The following NBEAL2 variants were observed in gnomAD, a reference collection of about 807,000 sequenced individuals.
NBEAL2 encodes neurobeachin-like protein 2.
A neutral mutation model predicts 299.8 loss-of-function variants in NBEAL2; 160 were observed. The ratio of observed to expected loss-of-function variants is 0.53; its 90% CI spans 0.47 to 0.61. The LOEUF (loss-of-function observed/expected upper bound fraction) is 0.61. NBEAL2 is among the 20% of genes least tolerant of loss of function. The pLI is 0.00. For missense variants in NBEAL2, 3,112 were observed against 3,649.0 expected, an observed-to-expected ratio of 0.85 and a Z score of 3.79; for synonymous variants, 1,493 against 1,542.3, an observed-to-expected ratio of 0.97 and a Z score of 0.75.
intron 11 of NBEAL2, 36 bp downstream of exon 11, chr3:46,994,056 G>A (rs534513735): frequency 1.1e-4 from 165 of 1,567,814 alleles, no homozygotes; most frequent in East Asian, 1.4e-4. Flanking sequence ...GTAGGGGTGC[G>A]GGGTGGAGTT....
Position 47,001,913 on chromosome 3 carries a change from C to G in NBEAL2, c.4783-7C>G. 6.2e-7 allele frequency: 1 copy of G among 1,604,762 alleles called. No homozygotes were observed. Among genetic ancestry groups the G allele is most frequent in the Non-Finnish European group, 8.5e-7 (1 of 1,173,614 alleles). ...CTGGGTGCCACTCATCTCTCTTGCG[C>G]CCACAGCTGCATGCCCAGGCCTACG... On this transcript the variant is annotated splice_region_variant and splice_polypyrimidine_tract_variant and intron_variant, in intron 30 of 53. Transcript: ENST00000450053. This position sits in a 1 kb window ranked among gnomAD's most constrained non-coding sequence, Gnocchi z 6.1.
At chr3:46,984,475 T>C (rs1278681631) in intron 1 of NBEAL2, among the ~76,000 whole-genome samples, 2 of 152,204 alleles carry the variant, frequency 1.3e-5, no homozygotes, top group Non-Finnish European at 2.9e-5. Flanking sequence ...CAGTTGTCCC[T>C]GCCCCAGCAA....
intron 25 of NBEAL2, 37 bp from the exon 26 acceptor site, chr3:46,999,593 G>T: frequency 6.6e-7 from 1 of 1,506,050 alleles, no homozygotes; most frequent in Middle Eastern, 2.0e-4. Context: ...TTTCTAGTCT[G>T]GTCAGTCCCT....
chr3:46,984,611 G>A (rs73075635), intron 1 of NBEAL2, among the ~76,000 whole-genome samples: 1,759 of 152,328 alleles, frequency 0.012, 18 homozygotes, highest in Middle Eastern at 0.031. Context: ...TGAATGGGGG[G>A]ACCCCCTAGG....
chr3:47,002,413 A>C lies in NBEAL2; in HGVS notation c.5194A>C (p.Lys1732Gln). Reference protein sequence around the residue: ...MSQFEMDTYAKSHDLMSGFWN... With the variant: ...MSQFEMDTYAQSHDLMSGFWN... ...CCAGTTCGAAATGGACACGTATGCT[A>C]AGAGCCACGACCTTATGTCAGGTTT... Residue 1732 changes from lysine (K) to glutamine (Q), a missense_variant, in exon 32 of 54, where the codon AAG becomes CAG. This residue lies in a region of NBEAL2 where 2,243 missense variants were observed against 2,538.1 expected (regional missense o/e 0.88). Coordinates refer to ENST00000450053, the MANE Select transcript of NBEAL2 (RefSeq NM_015175.3). 6.2e-7 allele frequency: 1 copy of C among 1,613,652 alleles called. No homozygotes were observed. Among genetic ancestry groups the C allele is most frequent in the Non-Finnish European group, 8.5e-7 (1 of 1,179,904 alleles).
chr3:47,004,686 T>G lies in NBEAL2; in HGVS notation c.6294+96T>G. On this transcript the variant is annotated intron_variant, in intron 38 of 53. Coordinates refer to ENST00000450053, the MANE Select transcript of NBEAL2 (RefSeq NM_015175.3). This position sits in a 1 kb window ranked among gnomAD's most constrained non-coding sequence, Gnocchi z 5.0. ...AGGTACCTGCCAGTGGGCCAAGCTC[T>G]GAGCTTGGTCAAGGGTAGATGTGCC... 7.6e-7 allele frequency: 1 copy of G among 1,313,966 alleles called. No homozygotes were observed. The highest frequency in any genetic ancestry group is 1.1e-6 in the Non-Finnish European group (1 of 915,576). The allele number at this position is 1,313,966 out of a possible 1,614,324, so 81.4% of individuals were successfully genotyped here. A position where few individuals can be genotyped will look rare whatever the true frequency, so the allele number is the denominator to read the frequency against.
chr3:46,998,471 C>T lies in NBEAL2; in HGVS notation c.3127C>T (p.Gln1043Ter), dbSNP rs576251172. The change falls in exon 22 of 54, where the codon CAG becomes TAG. Residue 1043 changes from glutamine to a stop codon, truncating the protein, a stop_gained. Transcript: ENST00000450053. LOFTEE classifies it high-confidence loss of function. Reference sequence around the variant, plus strand: ...TGCTCATTCCCGCTCAGGTCACATCCAGTACATGTCCAGCATAGTTCGGGA... The same window carrying T: ...TGCTCATTCCCGCTCAGGTCACATCTAGTACATGTCCAGCATAGTTCGGGA... ...SDFAVRLGHIQYMSSIVREHR... is the reference protein window; with the variant it reads ...SDFAVRLGHI The T allele has an allele frequency of 1.2e-6, 2 of 1,612,626 alleles. No homozygotes were observed. Among genetic ancestry groups the T allele is most frequent in the Non-Finnish European group, 1.7e-6 (2 of 1,179,562 alleles).
At position 46,999,481 on chromosome 3, in the gene NBEAL2, C is replaced by T. The variant is rs1362404883; in HGVS notation, c.3703+7C>T. ...AAGCTGTTCCTGGGGGCAGGTACAA[C>T]CTGGTTAAGGCCAAGTGGAGGGGGT... On this transcript the variant is annotated splice_region_variant and intron_variant, in intron 25 of 53. Transcript: ENST00000450053. 1 of 1,580,074 alleles carries T rather than the reference C, an allele frequency of 6.3e-7. No homozygotes were observed. The highest frequency in any genetic ancestry group is 1.4e-5 in the African/African-American group (1 of 74,034).
chr3:46,999,925 C>T lies in NBEAL2; in HGVS notation c.3826C>T (p.Arg1276Trp), dbSNP rs111644435. The change falls in exon 27 of 54, where the codon CGG (arginine) becomes TGG (tryptophan). Residue 1276 changes from arginine to tryptophan, a missense_variant. Physicochemically the swap from Arg to Trp is moderately radical, Grantham distance 101. This residue lies in a region of NBEAL2 where 2,243 missense variants were observed against 2,538.1 expected (regional missense o/e 0.88). Transcript: ENST00000450053. The part of the protein sequence containing the change: ...HLIYGQPDVV[R>W]LLARQAGWQD... ...CATCTACGGACAGCCAGATGTAGTG[C>T]GGCTTCTGGCCCGACAGGCTGGCTG... 1.1e-5 allele frequency: 17 copies of T among 1,610,946 alleles called. No homozygotes were observed. The African/African-American group carries it at 1.1e-4, about 10-fold the overall frequency.
rs1476027776 is a variant in NBEAL2 at position 46,987,985 on chromosome 3, C to T, written c.52-684C>T. On this transcript the variant is annotated intron_variant, in intron 1 of 53. Coordinates refer to ENST00000450053, the MANE Select transcript of NBEAL2 (RefSeq NM_015175.3). ...CCCCGGGGCGGGAGGAGACATTTCC[C>T]GTTCACACCAAAGTTTTCCTGGCAG... 26 of 1,276,166 alleles carry T rather than the reference C, an allele frequency of 2.0e-5. No homozygotes were observed. In the East Asian group the frequency reaches 9.4e-4, roughly 46 times the overall value. 79.1% of individuals were successfully genotyped at this position (1,276,166 alleles called of 1,614,324 possible).
At position 46,989,223 on chromosome 3, in the gene NBEAL2, C is replaced by T; in HGVS notation, c.352-37C>T. The T allele has an allele frequency of 6.2e-7, 1 of 1,612,672 alleles. No homozygotes were observed. Among genetic ancestry groups the T allele is most frequent in the Non-Finnish European group, 8.5e-7 (1 of 1,179,280 alleles). On this transcript the variant is annotated intron_variant, in intron 4 of 53. Coordinates refer to ENST00000450053, the MANE Select transcript of NBEAL2 (RefSeq NM_015175.3). The surrounding 1 kb of genome is among the most constrained non-coding windows in gnomAD (Gnocchi z 5.5). ...GTGTATGCAGGGAGGCAGGCGGTAGCCATGGCGGGGCTAACCCTCTCTCCC... is the reference window on the plus strand; with the variant it reads ...GTGTATGCAGGGAGGCAGGCGGTAGTCATGGCGGGGCTAACCCTCTCTCCC...
rs2036898244 is a variant in NBEAL2, at chr3:47,000,517, C to T, written c.4305+113C>T. On this transcript the variant is annotated intron_variant, in intron 27 of 53. Transcript: ENST00000450053. This position sits in a 1 kb window ranked among gnomAD's most constrained non-coding sequence, Gnocchi z 4.5. ...GTGTGGCCCTGTCTGACCAGGGTTG[C>T]AGCCACTGGTCAGGCCTATTGCTGT... The T allele has an allele frequency of 2.2e-6, 3 of 1,356,738 alleles. No individual in the cohort carries two copies. Among genetic ancestry groups the T allele is most frequent in the Admixed American group, 2.4e-5 (1 of 41,036 alleles). The allele number at this position is 1,356,738 out of a possible 1,614,324, so 84.0% of individuals were successfully genotyped here.
chr3:47,005,651 A>C, intron 41 of NBEAL2, 32 bp downstream of exon 41: 1 of 1,612,782 alleles, frequency 6.2e-7, no homozygotes, highest in South Asian at 1.1e-5. Flanking sequence ...TGGAGCGGGC[A>C]GGTGTAGGGA....
chr3:46,980,156 G>A (rs1258311070), intron 1 of NBEAL2, among the ~76,000 whole-genome samples: 1 of 152,124 alleles, frequency 6.6e-6, no homozygotes, highest in Admixed American at 6.5e-5. Context: ...ACCCACCCCC[G>A]CGAGCAGGAC....
In NBEAL2 at chr3:47,003,191, CCCA is replaced by C; in HGVS notation, c.5605_5607del (p.Thr1869del). On this transcript the variant is annotated inframe_deletion, in exon 35 of 54. Coordinates refer to ENST00000450053, the MANE Select transcript of NBEAL2 (RefSeq NM_015175.3). This position sits in a 1 kb window ranked among gnomAD's most constrained non-coding sequence, Gnocchi z 7.0. ...CCTTGCAGGTGAGGTTCCCCTGACACCCACCGAGGAGGCCTCACTGCCTCTGGC... is the reference window on the plus strand; with the variant it reads ...CCTTGCAGGTGAGGTTCCCCTGACACCCGAGGAGGCCTCACTGCCTCTGGC... The C allele has an allele frequency of 6.2e-7, 1 of 1,609,800 alleles. No homozygotes were observed. The highest frequency in any genetic ancestry group is 8.5e-7 in the Non-Finnish European group (1 of 1,177,572).
intron 1 of NBEAL2, among the ~76,000 whole-genome samples, chr3:46,987,478 C>T (rs2035746099): frequency 6.6e-6 from 1 of 152,258 alleles, no homozygotes; most frequent in African/African-American, 2.4e-5. Flanking sequence ...CCCCTGGCCC[C>T]TGGGAGGGGC....
chr3:47,001,273 C>G lies in NBEAL2; in HGVS notation c.4485-6C>G. The G allele has an allele frequency of 6.2e-7, 1 of 1,602,354 alleles. No individual in the cohort carries two copies. The highest frequency in any genetic ancestry group is 8.5e-7 in the Non-Finnish European group (1 of 1,170,972). Reference sequence around the variant, plus strand: ...TAGACCCTTGAGTTCCCCACTCACCCGCCAGCCTCCTGGAGATGATGCTGG... The same window carrying G: ...TAGACCCTTGAGTTCCCCACTCACCGGCCAGCCTCCTGGAGATGATGCTGG... On this transcript the variant is annotated splice_region_variant and splice_polypyrimidine_tract_variant and intron_variant, in intron 28 of 53. Coordinates refer to ENST00000450053, the MANE Select transcript of NBEAL2 (RefSeq NM_015175.3). The surrounding 1 kb of genome is among the most constrained non-coding windows in gnomAD (Gnocchi z 6.1).
At chr3:47,008,207 T>G (rs1207453020) in intron 50 of NBEAL2, 21 bp downstream of exon 50, 3 of 1,613,608 alleles carry the variant, frequency 1.9e-6, no homozygotes, top group Non-Finnish European at 2.5e-6. Flanking sequence ...GCATGTGCCC[T>G]GGGGAGGGTG....
chr3:46,983,288 C>G (rs1312712850), intron 1 of NBEAL2, among the ~76,000 whole-genome samples: 2 of 149,194 alleles, frequency 1.3e-5, no homozygotes, highest in African/African-American at 2.5e-5. Context: ...TCCACTCCCC[C>G]GGTACTTTAC....
Sources: gnomAD v4.1 joint callset for allele counts (sites outside exome capture counted in the v4.1 genomes callset) on GRCh38, gnomAD v4.1.1 for gene constraint, gnomAD v4.1.1 regional missense constraint, Gnocchi (gnomAD v3.1) non-coding constraint, MANE v1.5 for transcripts, NCBI Gene and HGNC (gene_info 2026-07-23, HGNC 2026-07-21) for gene names.